Variants in ANKFN1 observed in about 807,000 individuals in gnomAD.
The protein encoded by ANKFN1 is ankyrin repeat and fibronectin type III domain containing 1.
ANKFN1 carries 74 observed loss-of-function variants against 108.7 expected under a neutral mutation model. The ratio of observed to expected loss-of-function variants is 0.68; its 90% CI spans 0.56 to 0.83. The LOEUF is 0.83. Ranked by LOEUF, ANKFN1 falls within the 40% of genes least tolerant of loss-of-function variation. The pLI is 0.00. For synonymous variants in ANKFN1, 547 were observed against 516.2 expected (o/e 1.06, Z -0.81); for missense variants, 1,505 against 1,382.3 (o/e 1.09, Z -1.41).
chr17:56,486,062 TTTTTACCTG>T (rs2050846613), intron 18 of ANKFN1, among the ~76,000 whole-genome samples: 1 of 152,252 alleles, frequency 6.6e-6, no homozygotes, highest in Non-Finnish European at 1.5e-5. Context: ...GTGCCTGTCC[TTTTTACCTG>T]TTTTACCTCT....
intron 6 of ANKFN1, among the ~76,000 whole-genome samples, chr17:56,357,089 T>A (rs1180663683): frequency 1.3e-5 from 2 of 152,186 alleles, no homozygotes; most frequent in Non-Finnish European, 2.9e-5. Flanking sequence ...ATAGCCATGT[T>A]ACCATCACAA....
chr17:56,178,401 T>C (rs1911372518), intron 1 of ANKFN1, among the ~76,000 whole-genome samples: 1 of 152,162 alleles, frequency 6.6e-6, no homozygotes, highest in Non-Finnish European at 1.5e-5. Context: ...ATTTTGCTGA[T>C]GTAAACACAT....
intron 9 of ANKFN1, among the ~76,000 whole-genome samples, chr17:56,441,252 A>T (rs1056957710): frequency 2.0e-5 from 3 of 152,100 alleles, no homozygotes; most frequent in Non-Finnish European, 2.9e-5. Context: ...CCTTCAGATG[A>T]GGGAAGTAGA....
intron 11 of ANKFN1, among the ~76,000 whole-genome samples, chr17:56,450,647 C>T (rs562579634): frequency 6.6e-6 from 1 of 152,292 alleles, no homozygotes; most frequent in East Asian, 1.9e-4. Flanking sequence ...TACCAAAGCT[C>T]CTTTCTCATC....
At chr17:56,505,124 G>T (rs2051511395) in intron 20 of ANKFN1, among the ~76,000 whole-genome samples, 1 of 152,080 alleles carries the variant, frequency 6.6e-6, no homozygotes, top group Non-Finnish European at 1.5e-5. Flanking sequence ...TAAGACAATT[G>T]TTCTTTCTGC....
chr17:56,423,166 T>C (rs905942124), intron 8 of ANKFN1, among the ~76,000 whole-genome samples: 1 of 152,240 alleles, frequency 6.6e-6, no homozygotes, highest in Non-Finnish European at 1.5e-5. Context: ...TTGTTCAGTG[T>C]TGATAGTGAA....
intron 9 of ANKFN1, among the ~76,000 whole-genome samples, chr17:56,441,760 A>G (rs1210639049): frequency 6.6e-6 from 1 of 152,198 alleles, no homozygotes; most frequent in Admixed American, 6.5e-5. Flanking sequence ...AATCATATAA[A>G]AGCCTAGGAG....
At chr17:56,452,265 A>T (rs957451637) in intron 11 of ANKFN1, among the ~76,000 whole-genome samples, 1 of 152,194 alleles carries the variant, frequency 6.6e-6, no homozygotes, top group Non-Finnish European at 1.5e-5. Context: ...TATGCTCCTT[A>T]CAAGTTAGGG....
intron 8 of ANKFN1, among the ~76,000 whole-genome samples, chr17:56,406,002 C>A (rs1038162274): frequency 6.6e-6 from 1 of 151,678 alleles, no homozygotes; most frequent in African/African-American, 2.4e-5. Context: ...GGTTTTTTAA[C>A]CATGTAGATC....
At chr17:56,381,852 A>G (rs536121005) in intron 8 of ANKFN1, among the ~76,000 whole-genome samples, 37 of 152,318 alleles carry the variant, frequency 2.4e-4, no homozygotes, top group African/African-American at 8.9e-4. Context: ...ACCAAGTTGG[A>G]AAACACTCTG....
intron 4 of ANKFN1, among the ~76,000 whole-genome samples, chr17:56,082,391 G>A (rs953521283): frequency 1.3e-5 from 2 of 151,604 alleles, no homozygotes; most frequent in African/African-American, 2.4e-5. Context: ...TTGTCAGATG[G>A]TAAAGGAAAC....
chr17:56,248,021 A>G (rs548537960), intron 3 of ANKFN1, among the ~76,000 whole-genome samples: 18 of 152,232 alleles, frequency 1.2e-4, no homozygotes, highest in Non-Finnish European at 2.2e-4. Context: ...ATTTCAGAAG[A>G]AAATGATGCA....
chr17:56,485,127 G>A (rs2050817758), intron 18 of ANKFN1, among the ~76,000 whole-genome samples: 1 of 152,136 alleles, frequency 6.6e-6, no homozygotes, highest in African/African-American at 2.4e-5. Flanking sequence ...CCTACTATGT[G>A]CCAGGCACTA....
intron 8 of ANKFN1, among the ~76,000 whole-genome samples, chr17:56,434,157 C>T (rs1406054895): frequency 1.3e-5 from 2 of 152,136 alleles, no homozygotes; most frequent in African/African-American, 4.8e-5. Context: ...ATGAATTTTT[C>T]AAAATCCTGA....
intron 4 of ANKFN1, among the ~76,000 whole-genome samples, chr17:56,102,812 C>G (rs1214295628): frequency 6.6e-6 from 1 of 152,164 alleles, no homozygotes; most frequent in Non-Finnish European, 1.5e-5. Flanking sequence ...CTCCCTTGCT[C>G]AAGCGATCCT....
At chr17:56,331,270 A>G (rs1017186775) in intron 4 of ANKFN1, among the ~76,000 whole-genome samples, 1 of 152,198 alleles carries the variant, frequency 6.6e-6, no homozygotes, top group Non-Finnish European at 1.5e-5. Flanking sequence ...TACATGGATT[A>G]TACCCATACC....
At chr17:56,369,420 A>T (rs1181931740) in intron 6 of ANKFN1, among the ~76,000 whole-genome samples, 1 of 151,992 alleles carries the variant, frequency 6.6e-6, no homozygotes, top group Non-Finnish European at 1.5e-5. Context: ...ATGATTTCTC[A>T]ATTGTAAAAA....
chr17:56,356,092 G>C (rs1195571288), intron 6 of ANKFN1, among the ~76,000 whole-genome samples: 1 of 152,106 alleles, frequency 6.6e-6, no homozygotes, highest in African/African-American at 2.4e-5. Flanking sequence ...TTTTGAAGTA[G>C]AGCTGATAGT....
At chr17:56,170,807 T>TATATATATATATGCAC (rs1361307404) in intron 1 of ANKFN1, among the ~76,000 whole-genome samples, 2 of 61,452 alleles carry the variant, frequency 3.3e-5, no homozygotes, top group East Asian at 1.9e-3. Context: ...TATATATATA[T>TATATATATATATGCAC]ACACACACAC....
Sources: gnomAD v4.1 joint callset for allele counts (sites outside exome capture counted in the v4.1 genomes callset) on GRCh38, gnomAD v4.1.1 for gene constraint, MANE v1.5 for transcripts, NCBI Gene and HGNC (gene_info 2026-07-23, HGNC 2026-07-21) for gene names.